CEP57: variants seen among roughly 807,000 people sequenced by gnomAD.
The protein encoded by CEP57 is centrosomal protein of 57 kDa.
CEP57 carries 40 observed loss-of-function variants against 68.0 expected under a neutral mutation model. That is an observed-to-expected ratio of 0.59 (90% CI 0.46 to 0.77). The LOEUF (loss-of-function observed/expected upper bound fraction) is 0.77, where lower values mean the gene tolerates loss of function less well. Among genes scored for constraint, CEP57 ranks in the 30% least tolerant of loss-of-function variants. The probability of loss-of-function intolerance (pLI) is 0.00; values close to 1 mark genes in which losing one functional copy is unlikely to be tolerated. For missense variants in CEP57, 606 were observed against 580.7 expected (o/e 1.04, Z -0.45); for synonymous variants, 219 against 198.7 (o/e 1.10, Z -0.86).
intron 4 of CEP57, among the ~76,000 whole-genome samples, chr11:95,816,624 A>G (rs1862307403): frequency 6.6e-6 from 1 of 152,210 alleles, no homozygotes; most frequent in South Asian, 2.1e-4. Flanking sequence ...AAATTCCTAA[A>G]TTATTGCTTT....
intron 1 of CEP57, chr11:95,794,228 G>A: frequency 2.2e-6 from 1 of 455,442 alleles, no homozygotes; most frequent in Non-Finnish European, 4.4e-6. Context: ...CAGACCAGAG[G>A]CTGGGCTCTG....
intron 1 of CEP57, among the ~76,000 whole-genome samples, chr11:95,797,433 GC>G (rs1861397309): frequency 6.6e-6 from 1 of 152,064 alleles, no homozygotes; most frequent in Non-Finnish European, 1.5e-5. Flanking sequence ...CTCCCAAAGT[GC>G]TGGGATTACA....
At chr11:95,810,405 C>A (rs909743044) in intron 2 of CEP57, among the ~76,000 whole-genome samples, 1 of 152,164 alleles carries the variant, frequency 6.6e-6, no homozygotes. Flanking sequence ...AAGAGGAAGT[C>A]AAATTGTCCC....
chr11:95,801,368 G>T (rs1020889255), intron 2 of CEP57, among the ~76,000 whole-genome samples: 3 of 146,818 alleles, frequency 2.0e-5, no homozygotes, highest in Non-Finnish European at 4.5e-5. Context: ...AACTGATAAG[G>T]TTCTACACAT....
chr11:95,826,923 T>A (rs1862769138), intron 8 of CEP57: 1 of 152,128 alleles, frequency 6.6e-6, no homozygotes, highest in African/African-American at 2.4e-5. Flanking sequence ...AAACTAAGAT[T>A]AGAAGGAAAG....
chr11:95,792,900 G>T (rs1177497146), intron 1 of CEP57, among the ~76,000 whole-genome samples: 1 of 149,510 alleles, frequency 6.7e-6, no homozygotes, highest in Non-Finnish European at 1.5e-5. Flanking sequence ...TCAAACAGCT[G>T]ATCTTAACAG....
rs1463955872 is a variant in CEP57 at position 95,821,899 on chromosome 11, T to C, written c.728T>C (p.Leu243Pro). The C allele has an allele frequency of 4.3e-6, 7 of 1,612,234 alleles. 1 individual carries two copies. In the Admixed American group the frequency reaches 1.0e-4, roughly 23 times the overall value. ...CAGACTGGTCTAGAAACAAATAGAC[T>C]TATCTTTGAAGATAAGGCAACTCCG... ...ELQTGLETNR[L>P]IFEDKATPCV... Residue 243 changes from leucine (L) to proline (P), a missense_variant, in exon 7 of 11, where the codon CTT becomes CCT. Physicochemically the swap from Leu to Pro is moderately conservative, Grantham distance 98. Coordinates refer to ENST00000325542, the MANE Select transcript of CEP57 (RefSeq NM_014679.5).
At chr11:95,810,388 T>G (rs1243932679) in intron 2 of CEP57, among the ~76,000 whole-genome samples, 1 of 152,074 alleles carries the variant, frequency 6.6e-6, no homozygotes, top group African/African-American at 2.4e-5. Flanking sequence ...GGGTATTCAG[T>G]TAGGAAAAGA....
In CEP57 at chr11:95,813,609, G is replaced by T; in HGVS notation, c.504+20G>T. 1 of 1,611,642 alleles carries T rather than the reference G, an allele frequency of 6.2e-7. No individual in the cohort carries two copies. The highest frequency in any genetic ancestry group is 2.2e-5 in the East Asian group (1 of 44,806). ...AAACAAGTAAGTAAAGCACCTCACA[G>T]ATTGATACTCAAGAACAGTTATGGG... is the stretch of plus-strand genomic sequence containing the variant. On this transcript the variant is annotated intron_variant, in intron 4 of 10. Coordinates refer to ENST00000325542, the MANE Select transcript of CEP57 (RefSeq NM_014679.5).
intron 1 of CEP57, among the ~76,000 whole-genome samples, chr11:95,792,711 G>A (rs1395703044): frequency 6.6e-6 from 1 of 152,054 alleles, no homozygotes. Context: ...ACAAATCAAA[G>A]TATAACAACC....
chr11:95,826,594 T>C (rs1862752990), intron 8 of CEP57: 1 of 139,242 alleles, frequency 7.2e-6, no homozygotes, highest in African/African-American at 3.4e-5. Flanking sequence ...AACTTAAAAG[T>C]TGAAGGAAAA....
chr11:95,817,247 G>T (rs562504780), intron 4 of CEP57, among the ~76,000 whole-genome samples: 1 of 151,432 alleles, frequency 6.6e-6, no homozygotes, highest in East Asian at 2.0e-4. Context: ...GGCGCCTATA[G>T]TCCCAGCTAC....
At chr11:95,815,927 C>G (rs954768044) in intron 4 of CEP57, among the ~76,000 whole-genome samples, 1 of 152,144 alleles carries the variant, frequency 6.6e-6, no homozygotes, top group South Asian at 2.1e-4. Flanking sequence ...CCAATATTGC[C>G]TTGTGTGATA....
At chr11:95,790,769 C>T (rs765636872) in intron 1 of CEP57, 26 bp downstream of exon 1, 7 of 1,613,140 alleles carry the variant, frequency 4.3e-6, no homozygotes, top group African/African-American at 1.3e-5. Flanking sequence ...CGCGAGTGGG[C>T]CCCACGTCGG....
At position 95,822,483 on chromosome 11, in the gene CEP57, T is replaced by G. The variant is rs368923668; in HGVS notation, c.808-16T>G. On this transcript the variant is annotated splice_polypyrimidine_tract_variant and intron_variant, in intron 7 of 10. Coordinates refer to ENST00000325542, the MANE Select transcript of CEP57 (RefSeq NM_014679.5). ...TGTGAATAAAATAAAATTGTTTTCC[T>G]TTTCTTTTCATTCAGAAAAGTTCTA... 1.3e-6 allele frequency: 2 copies of G among 1,599,590 alleles called. No individual in the cohort carries two copies. The highest frequency in any genetic ancestry group is 1.7e-6 in the Non-Finnish European group (2 of 1,167,198).
At chr11:95,816,439 G>A (rs1862300811) in intron 4 of CEP57, among the ~76,000 whole-genome samples, 1 of 152,156 alleles carries the variant, frequency 6.6e-6, no homozygotes, top group Admixed American at 6.5e-5. Flanking sequence ...TATGTCTGCT[G>A]TGTTTATCTA....
intron 1 of CEP57, among the ~76,000 whole-genome samples, 187 bp from the exon 2 acceptor site, chr11:95,799,045 A>G (rs144450733): frequency 6.6e-6 from 1 of 152,352 alleles, no homozygotes; most frequent in Non-Finnish European, 1.5e-5. Context: ...GCATATGGCT[A>G]TATTCAGACT....
intron 8 of CEP57, 83 bp from the exon 9 acceptor site, chr11:95,827,703 T>TC: frequency 6.5e-7 from 1 of 1,548,686 alleles, no homozygotes; most frequent in East Asian, 2.2e-5. Context: ...GGTGGAGAGT[T>TC]CTTTTTACCT....
At chr11:95,803,166 A>C (rs1156361954) in intron 2 of CEP57, among the ~76,000 whole-genome samples, 1 of 152,164 alleles carries the variant, frequency 6.6e-6, no homozygotes, top group Non-Finnish European at 1.5e-5. Flanking sequence ...GAAATCTTTG[A>C]GTCTAAGATT....
Sources: allele counts gnomAD v4.1 joint callset (sites outside exome capture counted in the v4.1 genomes callset), GRCh38; gene constraint gnomAD v4.1.1; transcripts MANE v1.5; gene names NCBI Gene and HGNC (gene_info 2026-07-23, HGNC 2026-07-21).